SLC71A1: variants seen among roughly 807,000 people sequenced by gnomAD.
SLC71A1 encodes the protein solute carrier family 71 member 1, also known as hippocampus abundant gene transcript 1.
At chr1:100,055,308 T>A in the SLC71A1 span, among the ~76,000 whole-genome samples, 3 of 151,702 alleles carry the variant, frequency 2.0e-5, no homozygotes. Context: ...GCACAAGGAC[T>A]GGGAAAATAT....
the SLC71A1 span, chr1:100,058,775 A>G: frequency 8.3e-6 from 8 of 963,270 alleles, no homozygotes; most frequent in South Asian, 8.8e-5. Context: ...ATACATACAC[A>G]TACACGCACA....
the SLC71A1 span, chr1:100,082,054 C>T: frequency 6.2e-6 from 10 of 1,613,616 alleles, no homozygotes; most frequent in African/African-American, 1.3e-4. Context: ...TTCAGTACTG[C>T]TGGCTCTGCT....
the SLC71A1 span, chr1:100,067,864 A>G: frequency 3.4e-5 from 27 of 802,374 alleles, no homozygotes; most frequent in African/African-American, 2.2e-4. Flanking sequence ...GGAAGAGAAA[A>G]GGGAGGGTGT....
the SLC71A1 span, chr1:100,062,089 A>G: frequency 7.0e-6 from 4 of 570,486 alleles, no homozygotes; most frequent in Non-Finnish European, 1.2e-5. Flanking sequence ...CATTCATTAG[A>G]CTACATTTAA....
At chr1:100,050,513 G>C in the SLC71A1 span, among the ~76,000 whole-genome samples, 2 of 152,214 alleles carry the variant, frequency 1.3e-5, no homozygotes, top group East Asian at 3.9e-4. Flanking sequence ...AAGATAGCCA[G>C]TTTTCTTATA....
the SLC71A1 span, chr1:100,038,122 G>C: frequency 2.1e-6 from 2 of 938,636 alleles, no homozygotes; most frequent in Non-Finnish European, 1.7e-6. Flanking sequence ...TCAAGATGGC[G>C]GCGGGCGCCC....
chr1:100,046,212 G>GTTTTTTTTTTTTTT, the SLC71A1 span, among the ~76,000 whole-genome samples: 4 of 54,120 alleles, frequency 7.4e-5, 1 homozygote, highest in Non-Finnish European at 1.1e-4. Flanking sequence ...TCCAAGCCTC[G>GTTTTTTTTTTTTTT]TTTTTTTTTT....
chr1:100,071,980 C>G, the SLC71A1 span, among the ~76,000 whole-genome samples: 1 of 152,206 alleles, frequency 6.6e-6, no homozygotes, highest in Admixed American at 6.5e-5. Context: ...AGCAACCCTC[C>G]AAACACCATT....
chr1:100,075,581 C>G, the SLC71A1 span, among the ~76,000 whole-genome samples: 3 of 152,160 alleles, frequency 2.0e-5, no homozygotes, highest in African/African-American at 7.2e-5. Context: ...CTGATATAGT[C>G]CACAAATAAA....
chr1:100,045,379 A>T, the SLC71A1 span, among the ~76,000 whole-genome samples: 1 of 152,050 alleles, frequency 6.6e-6, no homozygotes, highest in South Asian at 2.1e-4. Context: ...CGTTTATCAG[A>T]TCTCGGAGCT....
chr1:100,065,237 T>C, the SLC71A1 span, among the ~76,000 whole-genome samples: 1 of 152,194 alleles, frequency 6.6e-6, no homozygotes, highest in East Asian at 1.9e-4. Flanking sequence ...ATTTGATTGA[T>C]AGCTAGATGT....
At chr1:100,072,705 C>T in the SLC71A1 span, among the ~76,000 whole-genome samples, 4 of 152,072 alleles carry the variant, frequency 2.6e-5, no homozygotes, top group African/African-American at 4.8e-5. Flanking sequence ...GTGGGCCAAC[C>T]TTCCAGCGAG....
At chr1:100,077,831 C>T in the SLC71A1 span, among the ~76,000 whole-genome samples, 1 of 152,152 alleles carries the variant, frequency 6.6e-6, no homozygotes, top group African/African-American at 2.4e-5. Context: ...GGCATTATGG[C>T]ACTGAACTCC....
chr1:100,079,233 A>ATGG, the SLC71A1 span: 4 of 151,880 alleles, frequency 2.6e-5, no homozygotes, highest in Admixed American at 2.0e-4. Flanking sequence ...ACTTGAGCTC[A>ATGG]AGAGTTTGAA....
At chr1:100,048,154 C>A in the SLC71A1 span, among the ~76,000 whole-genome samples, 7 of 150,854 alleles carry the variant, frequency 4.6e-5, no homozygotes, top group Non-Finnish European at 8.8e-5. Context: ...ACATGGTGGA[C>A]AAAACAGGTT....
the SLC71A1 span, among the ~76,000 whole-genome samples, chr1:100,041,645 CA>C: frequency 1.4e-4 from 22 of 152,100 alleles, no homozygotes; most frequent in African/African-American, 4.6e-4. Flanking sequence ...GTTTTTAGGC[CA>C]GGGGCAGTGG....
At chr1:100,074,891 C>G in the SLC71A1 span, among the ~76,000 whole-genome samples, 1 of 151,990 alleles carries the variant, frequency 6.6e-6, no homozygotes, top group Middle Eastern at 3.2e-3. Context: ...AAAAAAAACC[C>G]AAAAGAAAAA....
At chr1:100,042,898 C>T in the SLC71A1 span, among the ~76,000 whole-genome samples, 1 of 152,106 alleles carries the variant, frequency 6.6e-6, no homozygotes, top group Admixed American at 6.5e-5. Flanking sequence ...TCAGCCACTG[C>T]GCCTGGCCCC....
chr1:100,045,596 C>G, the SLC71A1 span, among the ~76,000 whole-genome samples: 3 of 152,174 alleles, frequency 2.0e-5, no homozygotes, highest in Admixed American at 2.0e-4. Flanking sequence ...TTGATACAAG[C>G]ATATGTTGAT....
Sources: gnomAD v4.1 joint callset for allele counts (sites outside exome capture counted in the v4.1 genomes callset) on GRCh38, gnomAD v4.1.1 for gene constraint, MANE v1.5 for transcripts, NCBI Gene and HGNC (gene_info 2026-07-23, HGNC 2026-07-21) for gene names.